FASTKD1: variants seen among roughly 807,000 people sequenced by gnomAD.
FASTKD1 encodes FAST kinase domain-containing protein 1, mitochondrial.
FASTKD1 carries 94 observed loss-of-function variants against 90.9 expected under a neutral mutation model. The ratio of observed to expected loss-of-function variants is 1.03; its 90% CI spans 0.88 to 1.23. The LOEUF (loss-of-function observed/expected upper bound fraction) is 1.23. Ranked by LOEUF, FASTKD1 falls within the 50% of genes most tolerant of loss-of-function variation. The pLI, the probability that FASTKD1 is intolerant of heterozygous loss-of-function variation, is 0.00. For missense variants in FASTKD1, 945 were observed against 993.5 expected (o/e 0.95, Z 0.66); for synonymous variants, 319 against 345.8 (o/e 0.92, Z 0.86).
At chr2:169,548,783 A>C (rs1332045160) in intron 7 of FASTKD1, among the ~76,000 whole-genome samples, 1 of 150,986 alleles carries the variant, frequency 6.6e-6, no homozygotes, top group African/African-American at 2.4e-5. Context: ...AGTGGAAGGA[A>C]TAATACAATC....
intron 6 of FASTKD1, among the ~76,000 whole-genome samples, chr2:169,556,828 A>AAAAC (rs140987027): frequency 0.19 from 28,264 of 148,282 alleles, 2,976 homozygotes; most frequent in African/African-American, 0.27. Context: ...CTCTGTCTCA[A>AAAAC]AAACAAACAA....
intron 3 of FASTKD1, among the ~76,000 whole-genome samples, chr2:169,566,115 A>C (rs936569745): frequency 1.3e-5 from 2 of 151,890 alleles, no homozygotes; most frequent in Admixed American, 1.3e-4. Context: ...AATATTTTCT[A>C]CCCTTCTGTG....
chr2:169,555,949 A>C (rs928843287), intron 6 of FASTKD1, among the ~76,000 whole-genome samples: 1 of 152,156 alleles, frequency 6.6e-6, no homozygotes, highest in Non-Finnish European at 1.5e-5. Flanking sequence ...TAATTTTGGG[A>C]GAACTGCTTG....
At chr2:169,570,423 C>T (rs998106241) in intron 2 of FASTKD1, among the ~76,000 whole-genome samples, 9 of 152,070 alleles carry the variant, frequency 5.9e-5, no homozygotes, top group Non-Finnish European at 1.2e-4. Context: ...TTTCCACTGA[C>T]ACCAAGGAAG....
At chr2:169,571,631 A>G in intron 2 of FASTKD1, 22 bp downstream of exon 2, 2 of 1,384,642 alleles carry the variant, frequency 1.4e-6, no homozygotes, top group South Asian at 1.3e-5. Context: ...CATTCCATAA[A>G]ATATAAAAGT....
At chr2:169,540,010 G>T (rs1415042834) in intron 10 of FASTKD1, 41 bp downstream of exon 10, 1 of 1,315,672 alleles carries the variant, frequency 7.6e-7, no homozygotes, top group Non-Finnish European at 1.1e-6. Context: ...TGGATATAAA[G>T]TACAACAGAT....
At chr2:169,563,622 C>T (rs1683815299) in intron 3 of FASTKD1, among the ~76,000 whole-genome samples, 2 of 151,830 alleles carry the variant, frequency 1.3e-5, no homozygotes, top group South Asian at 4.1e-4. Flanking sequence ...TGCATATTAA[C>T]AAATATAATG....
At chr2:169,562,407 T>C (rs1039778559) in intron 4 of FASTKD1, among the ~76,000 whole-genome samples, 2 of 152,112 alleles carry the variant, frequency 1.3e-5, no homozygotes, top group Non-Finnish European at 2.9e-5. Context: ...TAATTTTGTA[T>C]TTTTTGTAGA....
chr2:169,564,150 T>C (rs1348848776), intron 3 of FASTKD1, among the ~76,000 whole-genome samples: 1 of 152,158 alleles, frequency 6.6e-6, no homozygotes, highest in Non-Finnish European at 1.5e-5. Context: ...TACATTATTT[T>C]TCTGTAAAGT....
At chr2:169,548,947 G>A (rs1210616373) in intron 7 of FASTKD1, among the ~76,000 whole-genome samples, 2 of 149,458 alleles carry the variant, frequency 1.3e-5, no homozygotes, top group Admixed American at 6.7e-5. Context: ...ACAAAAAAGA[G>A]TTAGCCGGGC....
chr2:169,546,805 G>T, intron 7 of FASTKD1, 101 bp from the exon 8 acceptor site: 2 of 1,207,774 alleles, frequency 1.7e-6, no homozygotes, highest in Non-Finnish European at 2.3e-6. Context: ...GTAAGATGAT[G>T]ATTCAAAAAA....
At chr2:169,540,617 T>A (rs562835011) in intron 9 of FASTKD1, among the ~76,000 whole-genome samples, 130 of 152,362 alleles carry the variant, frequency 8.5e-4, no homozygotes, top group African/African-American at 2.9e-3. Context: ...ATATGTTACA[T>A]ACCATTCTAA....
chr2:169,570,724 GGAGTA>G (rs1382970482), intron 2 of FASTKD1, among the ~76,000 whole-genome samples: 7 of 141,946 alleles, frequency 4.9e-5, no homozygotes, highest in African/African-American at 7.9e-5. Context: ...CGCCCAGAAT[GGAGTA>G]GAGTAGCATG....
At chr2:169,563,488 G>A in intron 3 of FASTKD1, 138 bp from the exon 4 acceptor site, 1 of 486,556 alleles carries the variant, frequency 2.1e-6, no homozygotes, top group Non-Finnish European at 3.2e-6. Context: ...TATTATAAAA[G>A]TAACATGGCA....
intron 8 of FASTKD1, 117 bp downstream of exon 8, chr2:169,546,101 T>C: frequency 8.8e-7 from 1 of 1,139,918 alleles, no homozygotes; most frequent in African/African-American, 1.6e-5. Context: ...TGACCCAGAA[T>C]TTATTTAATT....
chr2:169,573,634 AG>A (rs1348227099), intron 1 of FASTKD1, 34 bp downstream of exon 1: 5 of 152,308 alleles, frequency 3.3e-5, no homozygotes, highest in East Asian at 3.9e-4. Flanking sequence ...GGGTGGGAAA[AG>A]AAAAATAGCC....
At chr2:169,551,026 G>C (rs1275911066) in intron 7 of FASTKD1, among the ~76,000 whole-genome samples, 1 of 152,112 alleles carries the variant, frequency 6.6e-6, no homozygotes, top group African/African-American at 2.4e-5. Context: ...TCAAAGCTTA[G>C]ATATTTGCGT....
At chr2:169,542,736 GA>G (rs1238843195) in intron 9 of FASTKD1, among the ~76,000 whole-genome samples, 1 of 152,170 alleles carries the variant, frequency 6.6e-6, no homozygotes, top group Admixed American at 6.5e-5. Context: ...ACCTTTTTAA[GA>G]GATGCAAAAT....
chr2:169,561,177 A>G (rs949379510), intron 4 of FASTKD1, among the ~76,000 whole-genome samples: 5 of 151,602 alleles, frequency 3.3e-5, no homozygotes, highest in Non-Finnish European at 7.4e-5. Flanking sequence ...GAGCACCTGT[A>G]ATCCCAGCTA....
Sources: allele counts gnomAD v4.1 joint callset (sites outside exome capture counted in the v4.1 genomes callset), GRCh38; gene constraint gnomAD v4.1.1; transcripts MANE v1.5; gene names NCBI Gene and HGNC (gene_info 2026-07-23, HGNC 2026-07-21).